PTPRN2: variants seen among roughly 807,000 people sequenced by gnomAD.
PTPRN2 encodes the protein protein tyrosine phosphatase receptor type N2.
Under a neutral mutation model 118.8 loss-of-function variants are expected in PTPRN2, and 74 were observed. The observed-to-expected ratio is 0.62, with a 90% CI of 0.52 to 0.76. The LOEUF (loss-of-function observed/expected upper bound fraction) is 0.76, where lower values mean the gene tolerates loss of function less well. PTPRN2 is among the 30% of genes least tolerant of loss of function. The probability of loss-of-function intolerance (pLI) is 0.00; values close to 1 mark genes in which losing one functional copy is unlikely to be tolerated. For synonymous variants in PTPRN2, 641 were observed against 608.0 expected (o/e 1.05, Z -0.80); for missense variants, 1,481 against 1,394.4 (o/e 1.06, Z -0.99).
intron 11 of PTPRN2, among the ~76,000 whole-genome samples, chr7:158,010,447 C>A (rs1805960995): frequency 6.6e-6 from 1 of 152,198 alleles, no homozygotes; most frequent in Non-Finnish European, 1.5e-5. Flanking sequence ...AGTAAGAATT[C>A]CAAGATGGAT....
chr7:157,589,099 C>G (rs1800841359), intron 17 of PTPRN2, among the ~76,000 whole-genome samples: 1 of 152,210 alleles, frequency 6.6e-6, no homozygotes, highest in Non-Finnish European at 1.5e-5. Context: ...CTGTCACCAT[C>G]AAGCCCCTCT....
Position 157,940,081 on chromosome 7 carries a change from T to C in PTPRN2, c.1724-41344A>G, listed in dbSNP as rs536955943. Among the ~76,000 whole-genome samples the C allele has an allele frequency of 2.0e-5, 3 of 152,264 alleles. No homozygotes were observed. The East Asian group carries it at 5.8e-4, about 29-fold the overall frequency. ...GAGAGCAGAGAGGCCCCCGTTGGTA[T>C]GACCATGAGCCCCTGTCAAGAGTTC... On this transcript the variant is annotated intron_variant, in intron 11 of 22. Coordinates refer to ENST00000389418, the MANE Select transcript of PTPRN2 (RefSeq NM_002847.5).
chr7:158,153,589 G>C (rs962817119), intron 6 of PTPRN2, among the ~76,000 whole-genome samples: 1 of 152,226 alleles, frequency 6.6e-6, no homozygotes, highest in Non-Finnish European at 1.5e-5. Context: ...CCCTGTGAGG[G>C]GAATAAGGGA....
intron 6 of PTPRN2, among the ~76,000 whole-genome samples, chr7:158,141,052 G>A (rs1819338351): frequency 6.6e-6 from 1 of 151,560 alleles, no homozygotes; most frequent in Non-Finnish European, 1.5e-5. Flanking sequence ...CACTGTAGGG[G>A]GGTCCCGCTG....
intron 12 of PTPRN2, among the ~76,000 whole-genome samples, chr7:157,683,319 G>C (rs1797002340): frequency 6.6e-6 from 1 of 152,218 alleles, no homozygotes; most frequent in Non-Finnish European, 1.5e-5. Context: ...CGGGGGTGCT[G>C]GGGGGAGGCC....
At chr7:158,508,957 G>A (rs955931967) in intron 1 of PTPRN2, among the ~76,000 whole-genome samples, 2 of 152,050 alleles carry the variant, frequency 1.3e-5, no homozygotes, top group African/African-American at 2.4e-5. Flanking sequence ...GGCAACGTGG[G>A]ATGCTCAGGA....
chr7:158,481,547 C>T (rs1225793067), intron 2 of PTPRN2, among the ~76,000 whole-genome samples: 6 of 152,228 alleles, frequency 3.9e-5, no homozygotes, highest in African/African-American at 1.2e-4. Context: ...TCACTACAAC[C>T]TCCGCCTCCC....
Position 157,591,666 on chromosome 7 carries a change from G to A in PTPRN2, c.2496+3572C>T, listed in dbSNP as rs748595616. Reference sequence around the variant, plus strand: ...AATTTTTAAGAATGTCAATCTTGGGGCTTACTGGTAAGTATTCAATGAAGA... The same window carrying A: ...AATTTTTAAGAATGTCAATCTTGGGACTTACTGGTAAGTATTCAATGAAGA... On this transcript the variant is annotated intron_variant, in intron 17 of 22. Transcript: ENST00000389418. This position sits in a 1 kb window ranked among gnomAD's most constrained non-coding sequence, Gnocchi z 4.4. 4.6e-5 allele frequency among the ~76,000 whole-genome samples: 7 copies of A among 152,224 alleles called. No homozygotes were observed. The highest frequency in any genetic ancestry group is 2.0e-4 in the Admixed American group (3 of 15,284).
intron 1 of PTPRN2, among the ~76,000 whole-genome samples, chr7:158,493,323 GCA>G (rs2129445669): frequency 6.6e-6 from 1 of 152,046 alleles, no homozygotes; most frequent in South Asian, 2.1e-4. Flanking sequence ...CCATTCACAG[GCA>G]CACTCATGCC....
At chr7:157,783,038 C>T (rs377070440) in intron 12 of PTPRN2, among the ~76,000 whole-genome samples, 38 of 152,214 alleles carry the variant, frequency 2.5e-4, no homozygotes, top group African/African-American at 8.2e-4. Flanking sequence ...TGATAGTGAC[C>T]GAGTTCTCAC....
chr7:157,706,113 C>A (rs561130712), intron 12 of PTPRN2, among the ~76,000 whole-genome samples: 1 of 151,408 alleles, frequency 6.6e-6, no homozygotes, highest in East Asian at 2.0e-4. Context: ...TTAACGTGGA[C>A]CACATTCCTC....
intron 14 of PTPRN2, among the ~76,000 whole-genome samples, chr7:157,634,874 G>A (rs1208521059): frequency 1.3e-5 from 2 of 152,232 alleles, no homozygotes; most frequent in Non-Finnish European, 2.9e-5. Flanking sequence ...TGCAGTGGAC[G>A]TGGTCACCTG....
chr7:158,067,646 C>A (rs896453088), intron 11 of PTPRN2, among the ~76,000 whole-genome samples: 1 of 152,240 alleles, frequency 6.6e-6, no homozygotes, highest in South Asian at 2.1e-4. Context: ...GGCAGTCCAC[C>A]GTGACCACGC....
At chr7:158,474,020 G>A (rs1030839968) in intron 2 of PTPRN2, among the ~76,000 whole-genome samples, 2 of 152,102 alleles carry the variant, frequency 1.3e-5, no homozygotes, top group African/African-American at 4.8e-5. Context: ...GACATTTCTA[G>A]GTAGACATCA....
At chr7:158,238,388 C>T (rs1795685228) in intron 3 of PTPRN2, among the ~76,000 whole-genome samples, 1 of 152,058 alleles carries the variant, frequency 6.6e-6, no homozygotes, top group Admixed American at 6.5e-5. Flanking sequence ...ACCAAAAGCA[C>T]AGCAGGCGAG....
intron 3 of PTPRN2, among the ~76,000 whole-genome samples, chr7:158,278,948 G>C (rs1224138728): frequency 6.6e-6 from 1 of 152,174 alleles, no homozygotes; most frequent in Admixed American, 6.5e-5. Context: ...TCCTCGTGGT[G>C]GATTTGTGGT....
chr7:158,366,635 G>A (rs1038614899), intron 2 of PTPRN2, among the ~76,000 whole-genome samples: 7 of 152,282 alleles, frequency 4.6e-5, no homozygotes, highest in South Asian at 2.1e-4. Flanking sequence ...AGACATACAC[G>A]GCTGGAAGGA....
At chr7:157,649,271 C>T (rs1178187238) in intron 14 of PTPRN2, among the ~76,000 whole-genome samples, 13 of 93,214 alleles carry the variant, frequency 1.4e-4, no homozygotes, top group East Asian at 4.9e-4. Context: ...GCACTGAACT[C>T]GGTGGGTCGG....
intron 3 of PTPRN2, among the ~76,000 whole-genome samples, chr7:158,300,337 G>A (rs571959311): frequency 9.9e-4 from 150 of 152,268 alleles, no homozygotes; most frequent in African/African-American, 3.4e-3. Context: ...CTGATCCGAC[G>A]GCTAGGGTTG....
Sources: gnomAD v4.1 joint callset for allele counts (sites outside exome capture counted in the v4.1 genomes callset) on GRCh38, gnomAD v4.1.1 for gene constraint, Gnocchi (gnomAD v3.1) non-coding constraint, MANE v1.5 for transcripts, NCBI Gene and HGNC (gene_info 2026-07-23, HGNC 2026-07-21) for gene names.